Variants in TCF20 observed in about 807,000 individuals in gnomAD.
The protein encoded by TCF20 is SPRE-binding protein.
Under a neutral mutation model 148.6 loss-of-function variants are expected in TCF20, and 3 were observed. The ratio of observed to expected loss-of-function variants is 0.02; its 90% CI spans 0.01 to 0.05. The LOEUF (loss-of-function observed/expected upper bound fraction) is 0.05. TCF20 is among the 10% of genes least tolerant of loss of function. The pLI, the probability that TCF20 is intolerant of heterozygous loss-of-function variation, is 1.00. For missense variants in TCF20, 2,350 were observed against 2,429.3 expected (o/e 0.97, Z 0.69); for synonymous variants, 1,049 against 909.5 (o/e 1.15, Z -2.76).
chr22:42,333,393 G>C (rs570931793), intron 1 of TCF20, among the ~76,000 whole-genome samples: 1 of 152,024 alleles, frequency 6.6e-6, no homozygotes, highest in East Asian at 1.9e-4. Flanking sequence ...TGTGTAGACA[G>C]TGGCAGGAGC....
Position 42,161,231 on chromosome 22 carries a change from T to G in TCF20, c.*172A>C. ...CTGGTTTGAGTGTGATGTGAGAACT[T>G]AAGGAAGTGCTGGCATGGGCAGGCA... On this transcript the variant is annotated 3_prime_UTR_variant, in exon 6 of 6. Transcript: ENST00000677622. The G allele has an allele frequency of 7.3e-7, 1 of 1,370,406 alleles. No homozygotes were observed. Among genetic ancestry groups the G allele is most frequent in the East Asian group, 2.4e-5 (1 of 42,246 alleles). The allele number at this position is 1,370,406 out of a possible 1,614,324, so 84.9% of individuals were successfully genotyped here.
chr22:42,314,255 G>A (rs921592744), intron 1 of TCF20, among the ~76,000 whole-genome samples: 4 of 152,250 alleles, frequency 2.6e-5, no homozygotes, highest in Admixed American at 6.5e-5. Flanking sequence ...CGTCTCTTCC[G>A]GATGTGTGCT....
upstream of TCF20, among the ~76,000 whole-genome samples, chr22:42,271,133 G>C (rs1171459917): frequency 6.6e-6 from 1 of 152,184 alleles, no homozygotes; most frequent in Non-Finnish European, 1.5e-5. Flanking sequence ...GCTCCTGCCC[G>C]CCAAGAGCCC....
rs1194587430 is a variant in TCF20 at position 42,213,527 on chromosome 22, GGAT to G, written c.1776_1778del (p.Ser593del). 6.2e-7 allele frequency: 1 copy of G among 1,614,016 alleles called. No homozygotes were observed. The highest frequency in any genetic ancestry group is 8.5e-7 in the Non-Finnish European group (1 of 1,180,028). Reference sequence around the variant, plus strand: ...TCTCATTAACCTTTGGGTTCCCGTCGGATGACAATGGCATGTCCTTAGCGCCTG... The same window carrying G: ...TCTCATTAACCTTTGGGTTCCCGTCGGACAATGGCATGTCCTTAGCGCCTG... On this transcript the variant is annotated inframe_deletion, in exon 2 of 6. Coordinates refer to ENST00000677622, the MANE Select transcript of TCF20 (RefSeq NM_001378418.1).
rs1031232912 is a variant in TCF20, at chr22:42,338,309, C to T, written c.-37+5170G>A. On this transcript the variant is annotated intron_variant, in intron 1 of 1. Transcript: ENST00000515426. The surrounding 1 kb of genome is among the most constrained non-coding windows in gnomAD (Gnocchi z 4.0). ...GGTCGGCTGCACAGAGGAAACTACA[C>T]GTGCTGGGTGTGTAATAACGGGTTA... Among the ~76,000 whole-genome samples, 3 of 152,244 alleles carry T rather than the reference C, an allele frequency of 2.0e-5. No individual in the cohort carries two copies. The highest frequency in any genetic ancestry group is 4.8e-5 in the African/African-American group (2 of 41,478).
intron 1 of TCF20, among the ~76,000 whole-genome samples, chr22:42,324,148 A>G (rs1347204173): frequency 4.6e-4 from 2 of 4,390 alleles, no homozygotes; most frequent in Non-Finnish European, 9.5e-4. Flanking sequence ...GGTGGTGGTG[A>G]TAGAGGTTAT....
At chr22:42,163,638 G>C (rs1426752261) in intron 5 of TCF20, among the ~76,000 whole-genome samples, 1 of 152,238 alleles carries the variant, frequency 6.6e-6, no homozygotes, top group African/African-American at 2.4e-5. Context: ...AGGTGGGACT[G>C]GGGCTTTCCC....
intron 2 of TCF20, among the ~76,000 whole-genome samples, chr22:42,184,353 A>G (rs1203780742): frequency 6.6e-6 from 1 of 152,096 alleles, no homozygotes; most frequent in Non-Finnish European, 1.5e-5. Flanking sequence ...CATTCACTCA[A>G]CTATCCAACA....
chr22:42,232,644 G>A (rs949610928), intron 1 of TCF20, among the ~76,000 whole-genome samples: 5 of 151,748 alleles, frequency 3.3e-5, no homozygotes, highest in South Asian at 2.1e-4. Context: ...TGTCTAACAC[G>A]GTGAAACCCC....
chr22:42,297,514 T>C lies in TCF20; in HGVS notation c.-37+45965A>G, dbSNP rs545764938. On this transcript the variant is annotated intron_variant, in intron 1 of 1. Transcript: ENST00000515426. The surrounding 1 kb of genome is among the most constrained non-coding windows in gnomAD (Gnocchi z 4.3). ...CCTGAGCACCCTCCAAGGGCACAGC[T>C]GGGTGAGCCCCATGGCTGGGCTGGA... 1.3e-5 allele frequency among the ~76,000 whole-genome samples: 2 copies of C among 152,324 alleles called. No homozygotes were observed. The highest frequency in any genetic ancestry group is 4.1e-4 in the South Asian group (2 of 4,830).
chr22:42,325,114 T>C (rs147490652), intron 1 of TCF20, among the ~76,000 whole-genome samples: 345 of 152,372 alleles, frequency 2.3e-3, no homozygotes, highest in African/African-American at 7.5e-3. Flanking sequence ...CAACTACAGA[T>C]GCCTCTCCGT....
intron 2 of TCF20, among the ~76,000 whole-genome samples, chr22:42,184,762 T>A (rs1936967281): frequency 6.6e-6 from 1 of 152,214 alleles, no homozygotes; most frequent in Non-Finnish European, 1.5e-5. Flanking sequence ...AATAGTAAAT[T>A]TTTTATTATG....
chr22:42,215,467 A>ATT (rs371005582), intron 1 of TCF20, 126 bp from the exon 2 acceptor site: 466 of 1,009,078 alleles, frequency 4.6e-4, no homozygotes, highest in African/African-American at 1.7e-3. Context: ...TTGAATTTCT[A>ATT]TTTTTTTTTT....
At chr22:42,326,967 C>G (rs746074386) in intron 1 of TCF20, among the ~76,000 whole-genome samples, 28 of 152,248 alleles carry the variant, frequency 1.8e-4, no homozygotes, top group Non-Finnish European at 3.7e-4. Flanking sequence ...AAGGGCAGAT[C>G]TTTTTCCACA....
chr22:42,240,466 T>C (rs1924295551), intron 1 of TCF20, among the ~76,000 whole-genome samples: 1 of 152,204 alleles, frequency 6.6e-6, no homozygotes, highest in African/African-American at 2.4e-5. Flanking sequence ...TTGTTTTCTG[T>C]TTACAGTAAT....
chr22:42,223,982 G>C (rs553319709), intron 1 of TCF20, among the ~76,000 whole-genome samples: 1 of 152,272 alleles, frequency 6.6e-6, no homozygotes, highest in East Asian at 1.9e-4. Flanking sequence ...GAGATCAGAA[G>C]AGTCTGAAAG....
In TCF20 at chr22:42,241,784, G is replaced by A. The variant is rs189212448; in HGVS notation, c.-36-26443C>T. ...AGAGGGTGCAGTGAGAGCCAAGATC[G>A]TGCCACTGCACTGCACCCCAGCCTG... On this transcript the variant is annotated intron_variant, in intron 1 of 5. Transcript: ENST00000677622. 1.7e-3 allele frequency among the ~76,000 whole-genome samples: 260 copies of A among 152,058 alleles called. 2 individuals carry two copies. Among genetic ancestry groups the A allele is most frequent in the Non-Finnish European group, 3.3e-3 (221 of 67,966 alleles).
Position 42,322,971 on chromosome 22 carries a change from A to C in TCF20, c.-37+20508T>G, listed in dbSNP as rs558292875. On this transcript the variant is annotated intron_variant, in intron 1 of 1. Coordinates refer to the TCF20 transcript ENST00000515426. ...GCCCAGGCTGGAGTGCAATGGTGCG[A>C]TCTCAGCTCACTGCAACCTCTGCCT... 2.6e-3 allele frequency among the ~76,000 whole-genome samples: 393 copies of C among 150,918 alleles called. 10 individuals carry two copies. The highest frequency in any genetic ancestry group is 4.0e-3 in the Non-Finnish European group (270 of 67,536).
At chr22:42,255,529 A>C (rs56128552) in intron 1 of TCF20, among the ~76,000 whole-genome samples, 4,791 of 131,806 alleles carry the variant, frequency 0.036, 108 homozygotes, top group Non-Finnish European at 0.056. Context: ...AACAACAACA[A>C]AACCACATTA....
Sources: gnomAD v4.1 joint callset for allele counts (sites outside exome capture counted in the v4.1 genomes callset) on GRCh38, gnomAD v4.1.1 for gene constraint, Gnocchi (gnomAD v3.1) non-coding constraint, MANE v1.5 for transcripts, NCBI Gene and HGNC (gene_info 2026-07-23, HGNC 2026-07-21) for gene names.